The following ITSN1 variants were observed in gnomAD, a reference collection of about 807,000 sequenced individuals.
The protein encoded by ITSN1 is intersectin-1.
Under a neutral mutation model 239.8 loss-of-function variants are expected in ITSN1, and 58 were observed. That is an observed-to-expected ratio of 0.24 (90% CI 0.20 to 0.30). The LOEUF is 0.30. Among genes scored for constraint, ITSN1 ranks in the 10% least tolerant of loss-of-function variants. The pLI is 1.00. For synonymous variants in ITSN1, 780 were observed against 770.8 expected, an observed-to-expected ratio of 1.01 and a Z score of -0.20; for missense variants, 1,558 against 2,103.3, an observed-to-expected ratio of 0.74 and a Z score of 5.07.
In ITSN1 at chr21:33,897,490, C is replaced by T. The variant is rs1245065185; in HGVS notation, c.*9190C>T. The T allele has an allele frequency of 1.3e-5, 2 of 152,206 alleles. No homozygotes were observed. The highest frequency in any genetic ancestry group is 2.9e-5 in the Non-Finnish European group (2 of 68,048). 9.4% of individuals were successfully genotyped at this position (152,206 alleles called of 1,614,324 possible). On this transcript the variant is annotated 3_prime_UTR_variant, in exon 40 of 40. Coordinates refer to ENST00000381318, the MANE Select transcript of ITSN1 (RefSeq NM_003024.3). ...AGCTCAGTTTCCGGTTTTCTACATTCTGTGCTGTTTCCAGCTAAGAAAAAG... is the reference window on the plus strand; with the variant it reads ...AGCTCAGTTTCCGGTTTTCTACATTTTGTGCTGTTTCCAGCTAAGAAAAAG...
At chr21:33,703,849 A>G (rs1470090124) in intron 1 of ITSN1, among the ~76,000 whole-genome samples, 1 of 152,128 alleles carries the variant, frequency 6.6e-6, no homozygotes, top group Non-Finnish European at 1.5e-5. Context: ...CTATTTGCCT[A>G]CTTGGTGCTG....
At chr21:33,852,402 C>T (rs1464025062) in intron 29 of ITSN1, among the ~76,000 whole-genome samples, 1 of 152,136 alleles carries the variant, frequency 6.6e-6, no homozygotes, top group African/African-American at 2.4e-5. Context: ...ACCCTGAATG[C>T]TCTGTAGCCC....
At chr21:33,786,526 CACCTGACTTT>C (rs2070694426) in intron 16 of ITSN1, among the ~76,000 whole-genome samples, 1 of 152,172 alleles carries the variant, frequency 6.6e-6, no homozygotes, top group Admixed American at 6.5e-5. Context: ...TGGACAGTAG[CACCTGACTTT>C]ACCTTGACCT....
At chr21:33,846,580 G>T (rs2268251) in intron 29 of ITSN1, among the ~76,000 whole-genome samples, 19,979 of 152,176 alleles carry the variant, frequency 0.13, 1,591 homozygotes, top group East Asian at 0.34. Context: ...AGAGGGCAGG[G>T]CCTACCTCCC....
At chr21:33,823,729 C>A in intron 25 of ITSN1, 76 bp downstream of exon 25, 1 of 1,412,068 alleles carries the variant, frequency 7.1e-7, no homozygotes, top group Non-Finnish European at 9.7e-7. Flanking sequence ...TGTTTGACAG[C>A]GGAACTTTGT....
At chr21:33,651,391 T>C (rs2088519181) in intron 1 of ITSN1, among the ~76,000 whole-genome samples, 1 of 152,212 alleles carries the variant, frequency 6.6e-6, no homozygotes, top group Admixed American at 6.5e-5. Flanking sequence ...CTTCCAGCTG[T>C]CTATGGATGT....
At chr21:33,719,161 C>T (rs1336887034) in intron 2 of ITSN1, among the ~76,000 whole-genome samples, 2 of 152,206 alleles carry the variant, frequency 1.3e-5, no homozygotes, top group Non-Finnish European at 2.9e-5. Context: ...CAATACCGGG[C>T]CGGGCATGGT....
intron 5 of ITSN1, among the ~76,000 whole-genome samples, chr21:33,738,258 T>C (rs2066623564): frequency 6.6e-6 from 1 of 152,108 alleles, no homozygotes; most frequent in South Asian, 2.1e-4. Flanking sequence ...CCTTCACATA[T>C]AATATTTGAT....
intron 1 of ITSN1, among the ~76,000 whole-genome samples, chr21:33,682,865 G>T (rs2091044127): frequency 6.6e-6 from 1 of 151,936 alleles, no homozygotes; most frequent in Non-Finnish European, 1.5e-5. Flanking sequence ...GTCACACTAG[G>T]ATCACTTAGT....
rs183707565 is a variant in ITSN1 at position 33,763,434 on chromosome 21, T to G, written c.788+1448T>G. ...ACATTTTGGGCCCGATAAATCTTTG[T>G]TGTTGGGGGATGTCCTGTATACTGT... On this transcript the variant is annotated intron_variant, in intron 9 of 39. Transcript: ENST00000381318. 2.6e-5 allele frequency among the ~76,000 whole-genome samples: 4 copies of G among 152,142 alleles called. No individual in the cohort carries two copies. In the East Asian group the frequency reaches 7.7e-4, roughly 29 times the overall value.
intron 16 of ITSN1, among the ~76,000 whole-genome samples, chr21:33,785,033 C>G (rs2070542954): frequency 6.6e-6 from 1 of 152,138 alleles, no homozygotes; most frequent in African/African-American, 2.4e-5. Context: ...CTAAAGGAAG[C>G]CAGCTGGAGA....
At chr21:33,717,768 C>T (rs774007041) in intron 1 of ITSN1, among the ~76,000 whole-genome samples, 15 of 152,004 alleles carry the variant, frequency 9.9e-5, no homozygotes, top group Non-Finnish European at 1.3e-4. Flanking sequence ...GGGGTTTTAC[C>T]GTGTTAGCTA....
At chr21:33,648,549 T>C (rs1486302080) in intron 1 of ITSN1, among the ~76,000 whole-genome samples, 1 of 152,102 alleles carries the variant, frequency 6.6e-6, no homozygotes, top group Non-Finnish European at 1.5e-5. Context: ...ATAAGTTAGC[T>C]CAGAAATTAG....
intron 1 of ITSN1, among the ~76,000 whole-genome samples, chr21:33,650,219 T>G (rs1242701809): frequency 2.6e-5 from 4 of 152,180 alleles, no homozygotes; most frequent in African/African-American, 9.7e-5. Context: ...CAAATCGTTC[T>G]GGTGTCTGGT....
rs2074909896 is a variant in ITSN1, at chr21:33,844,002, T to A, written c.3661+7370T>A. Among the ~76,000 whole-genome samples the A allele has an allele frequency of 1.3e-5, 2 of 152,196 alleles. 1 individual carries two copies. The highest frequency in any genetic ancestry group is 4.1e-4 in the South Asian group (2 of 4,830). On this transcript the variant is annotated intron_variant, in intron 29 of 39. Transcript: ENST00000381318. ...CATTAAACCAAAACAGCAGGTAGGT[T>A]GTGTGCATTTTTAAGACCTTTTAGA...
Position 33,876,314 on chromosome 21 carries a change from TTC to T in ITSN1, c.4341+794_4341+795del, listed in dbSNP as rs1380087884. Among the ~76,000 whole-genome samples, 29 of 149,262 alleles carry T rather than the reference TTC, an allele frequency of 1.9e-4. No homozygotes were observed. The South Asian group carries it at 5.8e-3, about 30-fold the overall frequency. On this transcript the variant is annotated intron_variant, in intron 34 of 39. Transcript: ENST00000381318. ...TCTCTCTCTCTTTCTTTCTCCTTCCTTCCTTCCTTCCTTCTTTCCTTCCTTCC... is the reference window on the plus strand; with the variant it reads ...TCTCTCTCTCTTTCTTTCTCCTTCCTCTTCCTTCCTTCTTTCCTTCCTTCC...
intron 9 of ITSN1, among the ~76,000 whole-genome samples, chr21:33,763,647 T>C (rs1393949757): frequency 6.6e-6 from 1 of 152,160 alleles, no homozygotes; most frequent in African/African-American, 2.4e-5. Flanking sequence ...TTGTTTTGTT[T>C]TTGATAAGAC....
intron 33 of ITSN1, 24 bp downstream of exon 33, chr21:33,867,355 A>C: frequency 7.4e-7 from 1 of 1,360,430 alleles, no homozygotes; most frequent in East Asian, 2.3e-5. Context: ...TTGCCTTTTC[A>C]AGCAGGGGAC....
intron 29 of ITSN1, among the ~76,000 whole-genome samples, chr21:33,843,133 C>G (rs1185431837): frequency 6.6e-6 from 1 of 152,184 alleles, no homozygotes; most frequent in African/African-American, 2.4e-5. Flanking sequence ...CACTGAGGGT[C>G]TCGGGAAACA....
Sources: allele counts gnomAD v4.1 joint callset (sites outside exome capture counted in the v4.1 genomes callset), GRCh38; gene constraint gnomAD v4.1.1; transcripts MANE v1.5; gene names NCBI Gene and HGNC (gene_info 2026-07-23, HGNC 2026-07-21).